Variants in TMEM163 observed in about 807,000 individuals in gnomAD.
TMEM163 encodes the protein transmembrane protein 163.
In TMEM163, 17 loss-of-function variants were observed where a neutral mutation model predicts 29.3. The observed-to-expected ratio is 0.58, with a 90% CI of 0.40 to 0.87. The LOEUF is 0.87. TMEM163 is among the 40% of genes least tolerant of loss of function. The pLI, the probability that TMEM163 is intolerant of heterozygous loss-of-function variation, is 0.00. For synonymous variants in TMEM163, 157 were observed against 160.6 expected, an observed-to-expected ratio of 0.98 and a Z score of 0.17; for missense variants, 303 against 381.5, an observed-to-expected ratio of 0.79 and a Z score of 1.71.
intron 2 of TMEM163, among the ~76,000 whole-genome samples, chr2:134,656,015 T>A (rs1278689464): frequency 1.4e-4 from 20 of 145,728 alleles, no homozygotes; most frequent in Non-Finnish European, 1.5e-5. Context: ...GTCTGTGCCC[T>A]GCCCCCAGAG....
chr2:134,642,511 T>C (rs758585754), intron 2 of TMEM163, among the ~76,000 whole-genome samples: 1 of 152,100 alleles, frequency 6.6e-6, no homozygotes, highest in Non-Finnish European at 1.5e-5. Flanking sequence ...AGCGAAGATG[T>C]AGAAGAATGG....
intron 2 of TMEM163, among the ~76,000 whole-genome samples, chr2:134,559,723 T>C (rs1681125370): frequency 1.3e-5 from 2 of 151,998 alleles, no homozygotes. Context: ...CACAATAACC[T>C]ATAAAACCCA....
chr2:134,610,464 G>A (rs1019223732), intron 2 of TMEM163, among the ~76,000 whole-genome samples: 5 of 152,168 alleles, frequency 3.3e-5, no homozygotes, highest in African/African-American at 7.2e-5. Flanking sequence ...TTAGTGGTCT[G>A]GGGGGAGGTC....
Position 134,513,970 on chromosome 2 carries a change from G to A in TMEM163, c.459-10973C>T, listed in dbSNP as rs141226989. On this transcript the variant is annotated intron_variant, in intron 4 of 7. Transcript: ENST00000281924. ...TGTAGCCAGGCTTCCTGTAGCAGGC[G>A]GGCTGTCTTTCCCCGAGCCAGTGCT... Among the ~76,000 whole-genome samples, 42 of 152,326 alleles carry A rather than the reference G, an allele frequency of 2.8e-4. 1 individual carries two copies. In the East Asian group the frequency reaches 6.6e-3, roughly 24 times the overall value.
intron 4 of TMEM163, among the ~76,000 whole-genome samples, chr2:134,529,662 A>G (rs1419881826): frequency 1.3e-5 from 2 of 151,954 alleles, no homozygotes; most frequent in Non-Finnish European, 2.9e-5. Flanking sequence ...CTGAGGCAAG[A>G]GAATCACTTG....
chr2:134,568,400 G>A (rs1169582367), intron 2 of TMEM163, among the ~76,000 whole-genome samples: 1 of 152,064 alleles, frequency 6.6e-6, no homozygotes, highest in East Asian at 1.9e-4. Context: ...GGTGGTGGGT[G>A]CCTGTAATCC....
intron 2 of TMEM163, among the ~76,000 whole-genome samples, chr2:134,673,002 A>G (rs980742958): frequency 2.0e-5 from 3 of 152,082 alleles, no homozygotes; most frequent in Non-Finnish European, 4.4e-5. Flanking sequence ...CGCAACTTTA[A>G]TTAGGTCATT....
chr2:134,634,713 C>A (rs1168427004), intron 2 of TMEM163, among the ~76,000 whole-genome samples: 1 of 152,222 alleles, frequency 6.6e-6, no homozygotes, highest in Non-Finnish European at 1.5e-5. Context: ...ATATTTTAGG[C>A]TTTGGGTGCA....
At chr2:134,646,443 TTTTATTTA>T (rs998302386) in intron 2 of TMEM163, among the ~76,000 whole-genome samples, 1 of 151,630 alleles carries the variant, frequency 6.6e-6, no homozygotes, top group Non-Finnish European at 1.5e-5. Flanking sequence ...CATTCTATGC[TTTTATTTA>T]TTTATTTATT....
chr2:134,610,217 C>G (rs1682471250), intron 2 of TMEM163, among the ~76,000 whole-genome samples: 4 of 152,196 alleles, frequency 2.6e-5, no homozygotes, highest in African/African-American at 9.7e-5. Context: ...CAGAACCAGT[C>G]CTCTGCACTG....
At chr2:134,680,137 C>T (rs1309519883) in intron 2 of TMEM163, among the ~76,000 whole-genome samples, 2 of 152,168 alleles carry the variant, frequency 1.3e-5, no homozygotes, top group African/African-American at 4.8e-5. Context: ...AGCCTGTTAA[C>T]TACGTAAATG....
In TMEM163 at chr2:134,466,143, A is replaced by G. The variant is rs777745707; in HGVS notation, c.638T>C (p.Val213Ala). The change falls in exon 6 of 8, where the codon GTT becomes GCT. Residue 213 changes from valine to alanine, a missense_variant. By Grantham distance (64) the Val-to-Ala change is moderately conservative. Around this residue, in one of 2 missense-constraint regions of TMEM163, gnomAD observed 203 missense variants for 294.3 expected, o/e 0.69. Coordinates refer to ENST00000281924, the MANE Select transcript of TMEM163 (RefSeq NM_030923.5). The part of the protein sequence containing the change: ...LAVLKFMLGK[V>A]LTSRALITDG... ...TGTTATGAGTGCTCTACTGGTCAGA[A>G]CCTTCCCCAGCATGAACTTCAACAC... is the stretch of plus-strand genomic sequence containing the variant. 6.2e-7 allele frequency: 1 copy of G among 1,613,828 alleles called. No homozygotes were observed. The highest frequency in any genetic ancestry group is 8.5e-7 in the Non-Finnish European group (1 of 1,179,974).
intron 2 of TMEM163, among the ~76,000 whole-genome samples, chr2:134,687,382 T>A (rs1475522218): frequency 6.6e-6 from 1 of 152,214 alleles, no homozygotes; most frequent in African/African-American, 2.4e-5. Context: ...GTGATCAACT[T>A]TAGCACTATT....
At chr2:134,613,017 A>C (rs1304906800) in intron 2 of TMEM163, among the ~76,000 whole-genome samples, 1 of 152,230 alleles carries the variant, frequency 6.6e-6, no homozygotes, top group Non-Finnish European at 1.5e-5. Context: ...ATGTCTTTAA[A>C]AATATCACAA....
At chr2:134,528,504 G>A (rs1385617216) in intron 4 of TMEM163, among the ~76,000 whole-genome samples, 8 of 152,154 alleles carry the variant, frequency 5.3e-5, no homozygotes, top group Admixed American at 2.6e-4. Flanking sequence ...TTATGAATGA[G>A]ATAGAAAAGT....
Position 134,718,913 on chromosome 2 carries a change from T to C in TMEM163, c.23A>G (p.Gln8Arg). MEPAAGIQRRSSQGPTVP... is the reference protein window; with the variant it reads MEPAAGIRRRSSQGPTVP... The stretch of plus-strand genomic sequence containing the variant: ...GGTGGGCCCCTGGGAGCTGCGGCGC[T>C]GGATGCCCGCGGCCGGCTCCATGGC... Residue 8 changes from glutamine (Q) to arginine (R), a missense_variant, in exon 1 of 8, where the codon CAG becomes CGG. This residue lies in a region of TMEM163 where 100 missense variants were observed against 87.2 expected (regional missense o/e 1.15). Transcript: ENST00000281924. 9.3e-7 allele frequency: 1 copy of C among 1,069,732 alleles called. No homozygotes were observed. Among genetic ancestry groups the C allele is most frequent in the Non-Finnish European group, 1.1e-6 (1 of 886,164 alleles). 66.3% of individuals were successfully genotyped at this position (1,069,732 alleles called of 1,614,324 possible). A position where few individuals can be genotyped will look rare whatever the true frequency, so the allele number is the denominator to read the frequency against.
At chr2:134,503,976 G>T (rs148869529) in intron 4 of TMEM163, among the ~76,000 whole-genome samples, 6 of 152,220 alleles carry the variant, frequency 3.9e-5, no homozygotes, top group African/African-American at 1.4e-4. Context: ...AAATACAAGA[G>T]TGACTACAGT....
chr2:134,660,492 G>C (rs914330795), intron 2 of TMEM163, among the ~76,000 whole-genome samples: 1 of 152,196 alleles, frequency 6.6e-6, no homozygotes, highest in Non-Finnish European at 1.5e-5. Flanking sequence ...AGTGTCATAG[G>C]TAGAAGCTCA....
At chr2:134,483,176 C>T (rs1045674395) in intron 5 of TMEM163, among the ~76,000 whole-genome samples, 9 of 152,178 alleles carry the variant, frequency 5.9e-5, no homozygotes, top group African/African-American at 2.2e-4. Flanking sequence ...CGTCAGTTTG[C>T]TGTTTTCTGA....
Sources: gnomAD v4.1 joint callset for allele counts (sites outside exome capture counted in the v4.1 genomes callset) on GRCh38, gnomAD v4.1.1 for gene constraint, gnomAD v4.1.1 regional missense constraint, MANE v1.5 for transcripts, NCBI Gene and HGNC (gene_info 2026-07-23, HGNC 2026-07-21) for gene names.